Variants in CLCN5 observed in about 807,000 individuals in gnomAD.
CLCN5 encodes the protein Cl-/H+ antiporter 5, also known as H(+)/Cl(-) exchange transporter 5.
CLCN5 carries 17 observed loss-of-function variants against 54.0 expected under a neutral mutation model. That is an observed-to-expected ratio of 0.31 (90% CI 0.22 to 0.47). CLCN5 has a LOEUF of 0.47. Among genes scored for constraint, CLCN5 ranks in the 20% least tolerant of loss-of-function variants. CLCN5 has a pLI of 1.00. For missense variants in CLCN5, 448 were observed against 646.7 expected, an observed-to-expected ratio of 0.69 and a Z score of 3.33; for synonymous variants, 222 against 233.0, an observed-to-expected ratio of 0.95 and a Z score of 0.43.
chrX:49,998,402 C>A (rs968115565), intron 3 of CLCN5, among the ~76,000 whole-genome samples: 7 of 111,792 alleles, frequency 6.3e-5, no homozygotes, highest in Non-Finnish European at 1.1e-4. Context: ...TCTCACCACC[C>A]CCTCTGCTCC....
intron 3 of CLCN5, among the ~76,000 whole-genome samples, chrX:49,940,498 A>G (rs1926270108): frequency 8.9e-6 from 1 of 112,076 alleles, no homozygotes; most frequent in Non-Finnish European, 1.9e-5. Flanking sequence ...TGTCTCTAAC[A>G]TAAGTTTGGG....
At chrX:50,057,150 C>T (rs1557189064) in intron 4 of CLCN5, among the ~76,000 whole-genome samples, 1 of 110,277 alleles carries the variant, frequency 9.1e-6, no homozygotes, top group Non-Finnish European at 1.9e-5. Context: ...TGTCCTGGAG[C>T]CTCCTGGTAT....
chrX:50,057,690 C>T (rs1211188864), intron 4 of CLCN5, among the ~76,000 whole-genome samples: 1 of 100,667 alleles, frequency 9.9e-6, no homozygotes, highest in Non-Finnish European at 2.1e-5. Flanking sequence ...CAGGACTCTC[C>T]TGGATAGTTT....
At chrX:50,086,941 C>A in intron 11 of CLCN5, 71 bp downstream of exon 11, 1 of 989,158 alleles carries the variant, frequency 1.0e-6, no homozygotes, top group Non-Finnish European at 1.4e-6. Context: ...GCCCAGGTAT[C>A]ATACAATCCT....
chrX:50,011,414 A>C (rs1474929313), intron 3 of CLCN5, among the ~76,000 whole-genome samples: 5 of 112,479 alleles, frequency 4.4e-5, no homozygotes, highest in Non-Finnish European at 9.4e-5. Context: ...GCCACTGTTC[A>C]AAAGAATGAA....
intron 3 of CLCN5, among the ~76,000 whole-genome samples, chrX:49,945,738 G>T (rs1229146135): frequency 9.7e-6 from 1 of 102,978 alleles, no homozygotes; most frequent in African/African-American, 3.6e-5. Context: ...ACAGGCATGA[G>T]CCACCGTGCC....
intron 3 of CLCN5, among the ~76,000 whole-genome samples, chrX:49,985,760 A>C (rs1382859914): frequency 9.0e-6 from 1 of 111,587 alleles, no homozygotes; most frequent in African/African-American, 3.2e-5. Context: ...AACAAACTTA[A>C]AGGGAGTAAC....
chrX:49,926,177 T>C (rs1925330931), intron 3 of CLCN5, among the ~76,000 whole-genome samples: 1 of 112,264 alleles, frequency 8.9e-6, no homozygotes, highest in African/African-American at 3.2e-5. Flanking sequence ...TGTTTCATTG[T>C]GTTGGTTGTG....
intron 3 of CLCN5, among the ~76,000 whole-genome samples, chrX:50,027,503 C>G (rs1557185217): frequency 8.9e-6 from 1 of 111,992 alleles, no homozygotes; most frequent in Non-Finnish European, 1.9e-5. Flanking sequence ...ATTGATGAAT[C>G]AATCAAAGGC....
intron 4 of CLCN5, among the ~76,000 whole-genome samples, chrX:50,056,837 C>T (rs1374667064): frequency 8.9e-6 from 1 of 112,095 alleles, no homozygotes; most frequent in African/African-American, 3.2e-5. Context: ...CTGCCATGCC[C>T]AACCTTCCTG....
Position 50,079,984 on chromosome X carries a change from A to G in CLCN5, c.604-610A>G, listed in dbSNP as rs782310254. 2.7e-5 allele frequency among the ~76,000 whole-genome samples: 3 copies of G among 111,969 alleles called. No homozygotes were observed. In the South Asian group the frequency reaches 1.1e-3, roughly 42 times the overall value. Reference sequence around the variant, plus strand: ...TGGAAGGTGATATGCATGTAAGTTTATTTCAATGTAGTAACAATTTCGCTA... The same window carrying G: ...TGGAAGGTGATATGCATGTAAGTTTGTTTCAATGTAGTAACAATTTCGCTA... On this transcript the variant is annotated intron_variant, in intron 7 of 14. Transcript: ENST00000376091.
Position 50,069,933 on chromosome X carries a change from T to C in CLCN5, c.218T>C (p.Phe73Ser). The part of the protein sequence containing the change: ...GIGSSNRIMD[F>S]LEEPIPGVGT... ...GGTTCTTCAAATAGGATCATGGACT[T>C]CTTGGAGGAGCCAATCCCTGGTGTA... The change falls in exon 5 of 15, where the codon TTC (phenylalanine) becomes TCC (serine). Residue 73 changes from phenylalanine to serine, a missense_variant. Physicochemically the swap from Phe to Ser is radical, Grantham distance 155. Around this residue, in one of 5 missense-constraint regions of CLCN5, gnomAD observed 69 missense variants for 60.9 expected, o/e 1.13. Coordinates refer to ENST00000376091, the MANE Select transcript of CLCN5 (RefSeq NM_001127898.4). 8.3e-7 allele frequency: 1 copy of C among 1,209,752 alleles called. No individual in the cohort carries two copies. The highest frequency in any genetic ancestry group is 1.7e-5 in the African/African-American group (1 of 57,809).
chrX:49,936,942 A>C (rs1926025221), intron 3 of CLCN5, among the ~76,000 whole-genome samples: 1 of 111,519 alleles, frequency 9.0e-6, no homozygotes, highest in South Asian at 3.8e-4. Flanking sequence ...AAAAGAGTAA[A>C]GTAGCCTGGA....
chrX:50,066,058 TGCTA>T lies in CLCN5; in HGVS notation c.164-3819_164-3816del, dbSNP rs1370240889. Among the ~76,000 whole-genome samples the T allele has an allele frequency of 2.9e-5, 3 of 103,276 alleles. No homozygotes were observed. In the East Asian group the frequency reaches 9.3e-4, roughly 32 times the overall value. The allele number at this position is 103,276 out of a possible 115,157, so 89.7% of individuals were successfully genotyped here. ...GGATAGCATTGGGAGATATACCTAA[TGCTA>T]GATGATGAGTTAGTGGGTGCAGCGC... On this transcript the variant is annotated intron_variant, in intron 4 of 14. Coordinates refer to ENST00000376091, the MANE Select transcript of CLCN5 (RefSeq NM_001127898.4).
At chrX:50,039,230 G>C (rs782095953) in intron 3 of CLCN5, among the ~76,000 whole-genome samples, 2 of 112,315 alleles carry the variant, frequency 1.8e-5, no homozygotes, top group Non-Finnish European at 3.8e-5. Flanking sequence ...GGAGGCCAAG[G>C]CTGCAATGAG....
intron 3 of CLCN5, among the ~76,000 whole-genome samples, chrX:49,942,194 C>A (rs1926386729): frequency 1.2e-5 from 1 of 81,556 alleles, no homozygotes; most frequent in Non-Finnish European, 2.3e-5. Flanking sequence ...ATCTGAAATA[C>A]TTGTTTGAAT....
intron 3 of CLCN5, among the ~76,000 whole-genome samples, chrX:49,970,778 G>A (rs782399402): frequency 9.0e-6 from 1 of 111,234 alleles, no homozygotes; most frequent in Non-Finnish European, 1.9e-5. Flanking sequence ...TATATACCTA[G>A]GACTGGAATT....
At chrX:50,057,400 T>A (rs1557189111) in intron 4 of CLCN5, among the ~76,000 whole-genome samples, 4 of 77,657 alleles carry the variant, frequency 5.2e-5, no homozygotes, top group African/African-American at 1.9e-4. Context: ...TATCCAGGAC[T>A]CTCCTGGATA....
chrX:50,052,781 A>G (rs900688640), intron 4 of CLCN5, among the ~76,000 whole-genome samples: 1 of 111,823 alleles, frequency 8.9e-6, no homozygotes, highest in African/African-American at 3.2e-5. Flanking sequence ...ATAATAAGGT[A>G]TTGTATGCCT....
Sources: gnomAD v4.1 joint callset for allele counts (sites outside exome capture counted in the v4.1 genomes callset) on GRCh38, gnomAD v4.1.1 for gene constraint, gnomAD v4.1.1 regional missense constraint, MANE v1.5 for transcripts, NCBI Gene and HGNC (gene_info 2026-07-23, HGNC 2026-07-21) for gene names.